The following MTARC1 variants were observed in gnomAD, a reference collection of about 807,000 sequenced individuals.
The protein encoded by MTARC1 is mitochondrial amidoxime reducing component 1, also known as mitochondrial amidoxime-reducing component 1.
MTARC1 carries 24 observed loss-of-function variants against 33.6 expected under a neutral mutation model. The ratio of observed to expected loss-of-function variants is 0.72; its 90% CI spans 0.52 to 1.01. The LOEUF (loss-of-function observed/expected upper bound fraction) is 1.01. Among genes scored for constraint, MTARC1 ranks in the 50% least tolerant of loss-of-function variants. The pLI is 0.00. For synonymous variants in MTARC1, 187 were observed against 189.5 expected (o/e 0.99, Z 0.11); for missense variants, 417 against 445.7 (o/e 0.94, Z 0.58).
intron 4 of MTARC1, among the ~76,000 whole-genome samples, chr1:220,802,676 A>C (rs1030854961): frequency 6.6e-6 from 1 of 152,082 alleles, no homozygotes; most frequent in Non-Finnish European, 1.5e-5. Flanking sequence ...CCAGGGCAGC[A>C]TGTTTTTTTC....
At chr1:220,801,256 C>G (rs1672793471) in intron 4 of MTARC1, among the ~76,000 whole-genome samples, 1 of 152,092 alleles carries the variant, frequency 6.6e-6, no homozygotes, top group Non-Finnish European at 1.5e-5. Context: ...GTGTCCTCTG[C>G]CTGGCATATC....
intron 2 of MTARC1, 48 bp from the exon 3 acceptor site, chr1:220,796,595 A>T (rs1354738086): frequency 3.9e-6 from 6 of 1,524,866 alleles, no homozygotes; most frequent in Non-Finnish European, 5.3e-6. Context: ...ATTAGGGTGC[A>T]TGGATTTTCA....
In MTARC1 at chr1:220,817,794, A is replaced by C. The variant is rs774626429; in HGVS notation, c.*4376A>C. 2 of 152,362 alleles carry C rather than the reference A, an allele frequency of 1.3e-5. No individual in the cohort carries two copies. The highest frequency in any genetic ancestry group is 2.9e-5 in the Non-Finnish European group (2 of 68,196). 9.4% of individuals were successfully genotyped at this position (152,362 alleles called of 1,614,324 possible). On this transcript the variant is annotated 3_prime_UTR_variant, in exon 7 of 7. Coordinates refer to ENST00000366910, the MANE Select transcript of MTARC1 (RefSeq NM_022746.4). ...GAGACGGGGTTTCACCATGTTGTTC[A>C]GGATGGTCTCGAACTCTTGATCTCG...
chr1:220,802,004 G>C (rs1672827238), intron 4 of MTARC1, among the ~76,000 whole-genome samples: 1 of 152,142 alleles, frequency 6.6e-6, no homozygotes, highest in Non-Finnish European at 1.5e-5. Context: ...CCGTTTCTCA[G>C]TCACCACCAC....
chr1:220,813,213 G>A lies in MTARC1; in HGVS notation c.888-79G>A, dbSNP rs1387429428. ...CTCGAGCTGTGCGTGCGGAGGCCCT[G>A]TGTGGGATGGAAGCCACGTGCTGGT... On this transcript the variant is annotated intron_variant, in intron 6 of 6. Transcript: ENST00000366910. 22 of 1,599,516 alleles carry A rather than the reference G, an allele frequency of 1.4e-5. No individual in the cohort carries two copies. In the East Asian group the frequency reaches 4.5e-4, roughly 32 times the overall value.
At chr1:220,798,212 A>G in intron 4 of MTARC1, 198 bp downstream of exon 4, 1 of 1,507,788 alleles carries the variant, frequency 6.6e-7, no homozygotes, top group Non-Finnish European at 8.9e-7. Context: ...TTGATGGGTC[A>G]GAGACTGTCA....
intron 1 of MTARC1, among the ~76,000 whole-genome samples, chr1:220,788,007 C>CAAAAAAAAA (rs998849065): frequency 1.3e-5 from 2 of 150,566 alleles, no homozygotes; most frequent in African/African-American, 2.4e-5. Context: ...GACTCCGAAT[C>CAAAAAAAAA]AAAAAAAGAA....
intron 6 of MTARC1, among the ~76,000 whole-genome samples, chr1:220,807,517 A>C (rs1673006653): frequency 6.6e-6 from 1 of 152,190 alleles, no homozygotes; most frequent in Non-Finnish European, 1.5e-5. Flanking sequence ...CGAGAGGTGG[A>C]GGTTGTAGTG....
intron 2 of MTARC1, chr1:220,794,340 C>T (rs1019931502): frequency 2.0e-5 from 3 of 151,770 alleles, no homozygotes; most frequent in Non-Finnish European, 2.9e-5. Flanking sequence ...AGGCTGTCTC[C>T]ATACCTAGAT....
At chr1:220,798,727 C>G (rs911670628) in intron 4 of MTARC1, 1 of 769,772 alleles carries the variant, frequency 1.3e-6, no homozygotes, top group African/African-American at 1.9e-5. Flanking sequence ...TGACCCACAG[C>G]TAGGAATTCA....
At chr1:220,802,127 G>C (rs1672831063) in intron 4 of MTARC1, among the ~76,000 whole-genome samples, 1 of 152,074 alleles carries the variant, frequency 6.6e-6, no homozygotes, top group Non-Finnish European at 1.5e-5. Context: ...TTCTGGCCTT[G>C]ACCCTTTTCT....
chr1:220,789,131 G>A (rs72470578), intron 1 of MTARC1, among the ~76,000 whole-genome samples: 19,380 of 151,742 alleles, frequency 0.13, 1,970 homozygotes, highest in East Asian at 0.3. Flanking sequence ...TGCCAGCATA[G>A]AGGATGCAGT....
At chr1:220,787,573 G>A (rs7536276) in intron 1 of MTARC1, among the ~76,000 whole-genome samples, 47,846 of 152,034 alleles carry the variant, frequency 0.31, 8,707 homozygotes, top group East Asian at 0.74. Flanking sequence ...CGGCTAGCTT[G>A]AAGAGGTTGG....
chr1:220,791,817 A>G (rs541511210), intron 2 of MTARC1, among the ~76,000 whole-genome samples, 153 bp downstream of exon 2: 1 of 152,310 alleles, frequency 6.6e-6, no homozygotes, highest in South Asian at 2.1e-4. Flanking sequence ...CAACATTATG[A>G]AGATCTAAAA....
chr1:220,789,607 A>G (rs1672361445), intron 1 of MTARC1, among the ~76,000 whole-genome samples: 1 of 152,180 alleles, frequency 6.6e-6, no homozygotes, highest in African/African-American at 2.4e-5. Context: ...TGCAGCATTG[A>G]GTGTTGAATG....
intron 1 of MTARC1, chr1:220,790,910 T>G (rs1289467860): frequency 6.6e-6 from 1 of 152,144 alleles, no homozygotes; most frequent in Non-Finnish European, 1.5e-5. Context: ...AAAAATACTG[T>G]CTAGTTTAGC....
chr1:220,810,578 G>A (rs570051830), intron 6 of MTARC1, among the ~76,000 whole-genome samples: 2 of 152,260 alleles, frequency 1.3e-5, no homozygotes, highest in East Asian at 3.9e-4. Context: ...CCCTCACCCC[G>A]ACCTGTGCAG....
At chr1:220,790,754 A>G (rs1332963921) in intron 1 of MTARC1, among the ~76,000 whole-genome samples, 1 of 152,198 alleles carries the variant, frequency 6.6e-6, no homozygotes, top group Non-Finnish European at 1.5e-5. Context: ...AAATGCCAAT[A>G]TGTTTTGCTT....
At chr1:220,800,901 C>T (rs1011948633) in intron 4 of MTARC1, among the ~76,000 whole-genome samples, 1 of 152,132 alleles carries the variant, frequency 6.6e-6, no homozygotes, top group Non-Finnish European at 1.5e-5. Flanking sequence ...GGCCTTCCCC[C>T]CCACTCCCCT....
Sources: gnomAD v4.1 joint callset for allele counts (sites outside exome capture counted in the v4.1 genomes callset) on GRCh38, gnomAD v4.1.1 for gene constraint, MANE v1.5 for transcripts, NCBI Gene and HGNC (gene_info 2026-07-23, HGNC 2026-07-21) for gene names.